The following TAB2 variants were observed in gnomAD, a reference collection of about 807,000 sequenced individuals.
The protein encoded by TAB2 is TGF-beta-activated kinase 1 and MAP3K7-binding protein 2.
A neutral mutation model predicts 65.0 loss-of-function variants in TAB2; 3 were observed. The observed-to-expected ratio is 0.05, with a 90% CI of 0.02 to 0.12. The LOEUF (loss-of-function observed/expected upper bound fraction) is 0.12. Among genes scored for constraint, TAB2 ranks in the 10% least tolerant of loss-of-function variants. TAB2 has a pLI of 1.00. For synonymous variants in TAB2, 298 were observed against 285.1 expected, an observed-to-expected ratio of 1.05 and a Z score of -0.46; for missense variants, 623 against 840.3, an observed-to-expected ratio of 0.74 and a Z score of 3.20.
intron 1 of TAB2, among the ~76,000 whole-genome samples, chr6:149,290,977 T>A (rs556483065): frequency 2.5e-4 from 38 of 152,376 alleles, no homozygotes; most frequent in South Asian, 2.1e-3. Flanking sequence ...GTAAACCCTA[T>A]TTTCATAGCT....
intron 1 of TAB2, among the ~76,000 whole-genome samples, chr6:149,337,652 T>G (rs1426369165): frequency 6.6e-6 from 1 of 152,252 alleles, no homozygotes; most frequent in African/African-American, 2.4e-5. Context: ...GAAACTCATC[T>G]TGTAACACCA....
intron 1 of TAB2, among the ~76,000 whole-genome samples, chr6:149,328,309 T>A (rs1000560382): frequency 2.6e-5 from 4 of 152,240 alleles, no homozygotes; most frequent in African/African-American, 9.6e-5. Flanking sequence ...GTTTGTTTTG[T>A]TTGAGAGGGA....
At chr6:149,366,140 A>G (rs958378981) in intron 1 of TAB2, among the ~76,000 whole-genome samples, 1 of 151,974 alleles carries the variant, frequency 6.6e-6, no homozygotes, top group Non-Finnish European at 1.5e-5. Flanking sequence ...TTTTCTGTTT[A>G]TGTGTAACAA....
intron 1 of TAB2, among the ~76,000 whole-genome samples, chr6:149,299,527 G>A (rs1263533144): frequency 7.2e-5 from 11 of 152,190 alleles, no homozygotes; most frequent in Admixed American, 2.6e-4. Flanking sequence ...AGCTGAGATC[G>A]CTCTACTGCA....
intron 1 of TAB2, chr6:149,248,042 G>A (rs928771078): frequency 6.6e-6 from 1 of 152,150 alleles, no homozygotes; most frequent in Non-Finnish European, 1.5e-5. Flanking sequence ...AAACCTGCAT[G>A]TTCTGCACAT....
At chr6:149,405,903 G>A (rs1326700275) in intron 6 of TAB2, among the ~76,000 whole-genome samples, 6 of 152,088 alleles carry the variant, frequency 3.9e-5, no homozygotes, top group South Asian at 4.2e-4. Flanking sequence ...TTCTCACCAC[G>A]GTGGGGGGTG....
intron 1 of TAB2, among the ~76,000 whole-genome samples, chr6:149,365,446 A>C (rs1481507184): frequency 6.6e-6 from 1 of 152,078 alleles, no homozygotes; most frequent in African/African-American, 2.4e-5. Context: ...TTCCTCTTTC[A>C]GCACTTATAT....
intron 1 of TAB2, among the ~76,000 whole-genome samples, chr6:149,351,581 T>G (rs780662963): frequency 9.2e-5 from 14 of 152,244 alleles, no homozygotes; most frequent in Non-Finnish European, 1.5e-4. Flanking sequence ...ATTATCTTAC[T>G]TGGATTACTC....
At chr6:149,366,620 T>A (rs1390245531) in intron 1 of TAB2, among the ~76,000 whole-genome samples, 1 of 152,186 alleles carries the variant, frequency 6.6e-6, no homozygotes, top group Non-Finnish European at 1.5e-5. Context: ...TGCTGACCCC[T>A]TTTTCTTCCC....
chr6:149,306,045 T>C (rs185679347), intron 1 of TAB2, among the ~76,000 whole-genome samples: 15 of 152,278 alleles, frequency 9.9e-5, no homozygotes, highest in African/African-American at 3.6e-4. Flanking sequence ...AGAAATAAGA[T>C]GAAGGGAAAG....
At chr6:149,321,777 C>T (rs1227805841) in intron 1 of TAB2, among the ~76,000 whole-genome samples, 1 of 152,088 alleles carries the variant, frequency 6.6e-6, no homozygotes, top group East Asian at 1.9e-4. Flanking sequence ...TCAGAATTAT[C>T]ACAAAGTAAA....
At chr6:149,364,418 GA>G (rs1471485660) in intron 1 of TAB2, among the ~76,000 whole-genome samples, 2 of 152,110 alleles carry the variant, frequency 1.3e-5, no homozygotes, top group African/African-American at 4.8e-5. Context: ...ATGTGAAAGA[GA>G]AAAACAGTGG....
At chr6:149,321,057 G>A (rs568630334) in intron 1 of TAB2, 4 of 152,378 alleles carry the variant, frequency 2.6e-5, no homozygotes, top group Non-Finnish European at 5.9e-5. Context: ...TAGATGAAAA[G>A]TTTTAGGCAG....
At chr6:149,365,643 G>A (rs949714406) in intron 1 of TAB2, among the ~76,000 whole-genome samples, 5 of 151,798 alleles carry the variant, frequency 3.3e-5, no homozygotes, top group African/African-American at 1.2e-4. Context: ...TTTTAAATCT[G>A]TAAATTTATA....
chr6:149,380,488 G>A (rs1781570905), intron 3 of TAB2, among the ~76,000 whole-genome samples: 2 of 151,872 alleles, frequency 1.3e-5, no homozygotes, highest in African/African-American at 2.4e-5. Flanking sequence ...TTTGATATTG[G>A]CATACTACAT....
chr6:149,377,302 AC>A (rs1781436402), intron 2 of TAB2, among the ~76,000 whole-genome samples: 1 of 150,628 alleles, frequency 6.6e-6, no homozygotes. Context: ...CTCGTGATCC[AC>A]CCGCCTCGGC....
At chr6:149,332,293 A>G (rs1779808360) in intron 1 of TAB2, among the ~76,000 whole-genome samples, 1 of 152,184 alleles carries the variant, frequency 6.6e-6, no homozygotes, top group Non-Finnish European at 1.5e-5. Context: ...TGGGAGTATC[A>G]GTGGAGTTGA....
intron 3 of TAB2, among the ~76,000 whole-genome samples, chr6:149,393,820 C>T (rs1332731601): frequency 6.6e-6 from 1 of 151,724 alleles, no homozygotes; most frequent in African/African-American, 2.4e-5. Flanking sequence ...ATCTTTATCT[C>T]ATATGTTTTG....
intron 1 of TAB2, among the ~76,000 whole-genome samples, chr6:149,339,533 T>C (rs907908579): frequency 4.6e-5 from 7 of 151,930 alleles, no homozygotes; most frequent in African/African-American, 1.7e-4. Flanking sequence ...CTCTTAGAAA[T>C]AGGGATAAGT....
Sources: gnomAD v4.1 joint callset for allele counts (sites outside exome capture counted in the v4.1 genomes callset) on GRCh38, gnomAD v4.1.1 for gene constraint, MANE v1.5 for transcripts, NCBI Gene and HGNC (gene_info 2026-07-23, HGNC 2026-07-21) for gene names.